DNM3: variants seen among roughly 807,000 people sequenced by gnomAD.
The protein encoded by DNM3 is dynamin 3.
In DNM3, 47 loss-of-function variants were observed where a neutral mutation model predicts 101.6. The observed-to-expected ratio is 0.46, with a 90% CI of 0.37 to 0.59. The LOEUF (loss-of-function observed/expected upper bound fraction) is 0.59, where lower values mean the gene tolerates loss of function less well. DNM3 is among the 20% of genes least tolerant of loss of function. DNM3 has a pLI of 0.00. For missense variants in DNM3, 849 were observed against 1,085.7 expected, an observed-to-expected ratio of 0.78 and a Z score of 3.06; for synonymous variants, 385 against 387.9, an observed-to-expected ratio of 0.99 and a Z score of 0.09.
chr1:171,955,081 G>A (rs2042768193), intron 2 of DNM3, among the ~76,000 whole-genome samples: 1 of 152,180 alleles, frequency 6.6e-6, no homozygotes, highest in Non-Finnish European at 1.5e-5. Context: ...CTAAGTGATA[G>A]CAACCTTCTA....
chr1:172,056,254 C>T lies in DNM3; in HGVS notation c.1335+7504C>T, dbSNP rs376062001. 3.9e-5 allele frequency among the ~76,000 whole-genome samples: 6 copies of T among 152,254 alleles called. 1 individual carries two copies. The South Asian group carries it at 6.2e-4, about 16-fold the overall frequency. On this transcript the variant is annotated intron_variant, in intron 10 of 20. Coordinates refer to ENST00000627582, the MANE Select transcript of DNM3 (RefSeq NM_015569.5). The stretch of plus-strand genomic sequence containing the variant: ...CTGAGATCAAACTGCAAGGTGGCAG[C>T]GAGGCTGGGGGAGGGGCACCCGACA...
At chr1:172,338,110 T>C (rs1271049472) in intron 17 of DNM3, among the ~76,000 whole-genome samples, 1 of 151,164 alleles carries the variant, frequency 6.6e-6, no homozygotes, top group Non-Finnish European at 1.5e-5. Context: ...AGAGACGGGG[T>C]TTCATCATGT....
intron 15 of DNM3, among the ~76,000 whole-genome samples, chr1:172,305,791 A>T (rs976898697): frequency 3.3e-5 from 5 of 152,244 alleles, no homozygotes; most frequent in Non-Finnish European, 1.5e-5. Flanking sequence ...CCACATGATT[A>T]TCTCAATAGA....
At chr1:172,231,103 T>C (rs1460096407) in intron 14 of DNM3, among the ~76,000 whole-genome samples, 1 of 150,452 alleles carries the variant, frequency 6.6e-6, no homozygotes, top group African/African-American at 2.4e-5. Flanking sequence ...AACTCTGAAC[T>C]CCAAACTTGG....
intron 14 of DNM3, among the ~76,000 whole-genome samples, chr1:172,211,522 C>T (rs905530154): frequency 1.3e-5 from 2 of 152,086 alleles, no homozygotes; most frequent in Non-Finnish European, 2.9e-5. Flanking sequence ...TGATTACTGT[C>T]TGAAAGGATT....
At chr1:172,073,323 A>G (rs1326001066) in intron 11 of DNM3, among the ~76,000 whole-genome samples, 1 of 152,130 alleles carries the variant, frequency 6.6e-6, no homozygotes, top group Non-Finnish European at 1.5e-5. Flanking sequence ...ATTTGAACAT[A>G]TGTGCATATG....
chr1:172,195,331 G>T (rs1385166663), intron 14 of DNM3, among the ~76,000 whole-genome samples: 1 of 151,808 alleles, frequency 6.6e-6, no homozygotes, highest in Non-Finnish European at 1.5e-5. Flanking sequence ...TGGGACAATT[G>T]TTCAGAATTT....
At chr1:172,105,701 T>C (rs1214714653) in intron 13 of DNM3, among the ~76,000 whole-genome samples, 3 of 152,196 alleles carry the variant, frequency 2.0e-5, no homozygotes, top group African/African-American at 7.2e-5. Context: ...TGAAGTCTCA[T>C]TTTTTCACTT....
chr1:172,346,122 C>CAAAAAAAAAAAA (rs554868535), intron 17 of DNM3, among the ~76,000 whole-genome samples: 1 of 92,158 alleles, frequency 1.1e-5, no homozygotes, highest in Non-Finnish European at 2.2e-5. Flanking sequence ...GACTCCGTCT[C>CAAAAAAAAAAAA]AAAAAAAAAA....
intron 14 of DNM3, chr1:172,137,972 C>T (rs1268090867): frequency 6.6e-6 from 1 of 152,020 alleles, no homozygotes; most frequent in Non-Finnish European, 1.5e-5. Context: ...AAATGAATTG[C>T]CTGAACATCT....
chr1:172,213,674 A>G lies in DNM3; in HGVS notation c.1660-39899A>G, dbSNP rs1423242970. Among the ~76,000 whole-genome samples, 3 of 151,878 alleles carry G rather than the reference A, an allele frequency of 2.0e-5. 1 individual carries two copies. Among genetic ancestry groups the G allele is most frequent in the Non-Finnish European group, 4.4e-5 (3 of 67,942 alleles). On this transcript the variant is annotated intron_variant, in intron 14 of 20. Coordinates refer to ENST00000627582, the MANE Select transcript of DNM3 (RefSeq NM_015569.5). ...GAAACCCCGTCTCTACTGAAAAAGC[A>G]AAAAATTAGCGAGGCATGGTGGCAG...
At chr1:172,258,919 T>C (rs2062530798) in intron 15 of DNM3, among the ~76,000 whole-genome samples, 1 of 152,106 alleles carries the variant, frequency 6.6e-6, no homozygotes, top group South Asian at 2.1e-4. Context: ...GTTTTCACTT[T>C]ATTTCATAGG....
At chr1:171,871,503 G>C (rs1213427081) in intron 1 of DNM3, among the ~76,000 whole-genome samples, 3 of 152,284 alleles carry the variant, frequency 2.0e-5, no homozygotes, top group Middle Eastern at 3.4e-3. Context: ...TAGGATGTGG[G>C]ATCATTGTTC....
intron 2 of DNM3, among the ~76,000 whole-genome samples, chr1:171,977,973 C>G (rs2044500876): frequency 6.6e-6 from 1 of 152,180 alleles, no homozygotes; most frequent in Non-Finnish European, 1.5e-5. Context: ...TCAAGCTCAG[C>G]ATGTCAAAAG....
At chr1:171,875,829 T>TTTTTTTTTTTTTG (rs1571362207) in intron 1 of DNM3, among the ~76,000 whole-genome samples, 1 of 146,926 alleles carries the variant, frequency 6.8e-6, no homozygotes, top group African/African-American at 2.6e-5. Context: ...TTTTTTTTTT[T>TTTTTTTTTTTTTG]GAGATGGAGT....
intron 14 of DNM3, among the ~76,000 whole-genome samples, chr1:172,135,486 GT>G (rs1291805405): frequency 6.6e-6 from 1 of 151,768 alleles, no homozygotes; most frequent in Non-Finnish European, 1.5e-5. Context: ...GAAGGTTAGT[GT>G]TTTTTTGTTT....
At chr1:172,364,192 AAT>A (rs1324968236) in intron 17 of DNM3, among the ~76,000 whole-genome samples, 1 of 151,944 alleles carries the variant, frequency 6.6e-6, no homozygotes, top group Non-Finnish European at 1.5e-5. Context: ...TTAAATGTTT[AAT>A]ATATAGCCTG....
intron 17 of DNM3, 58 bp downstream of exon 17, chr1:172,323,398 C>T (rs1011238681): frequency 9.6e-6 from 15 of 1,564,170 alleles, no homozygotes; most frequent in Non-Finnish European, 1.3e-5. Flanking sequence ...TCCGCTCCTG[C>T]ATGTCTTGAC....
chr1:172,022,516 A>G (rs2047917584), intron 4 of DNM3, among the ~76,000 whole-genome samples: 1 of 152,104 alleles, frequency 6.6e-6, no homozygotes, highest in East Asian at 1.9e-4. Flanking sequence ...ATAAGGGAGT[A>G]GTAAAGAAAA....
Sources: gnomAD v4.1 joint callset for allele counts (sites outside exome capture counted in the v4.1 genomes callset) on GRCh38, gnomAD v4.1.1 for gene constraint, MANE v1.5 for transcripts, NCBI Gene and HGNC (gene_info 2026-07-23, HGNC 2026-07-21) for gene names.